DYTN: variants seen among roughly 807,000 people sequenced by gnomAD.
DYTN encodes the protein dystrotelin.
In DYTN, 75 loss-of-function variants were observed where a neutral mutation model predicts 69.6. That is an observed-to-expected ratio of 1.08 (90% CI 0.89 to 1.31). DYTN has a LOEUF of 1.31. Among genes scored for constraint, DYTN ranks in the 50% most tolerant of loss-of-function variants. DYTN has a pLI of 0.00. For missense variants in DYTN, 726 were observed against 688.4 expected (o/e 1.05, Z -0.61); for synonymous variants, 252 against 249.1 (o/e 1.01, Z -0.11).
Position 206,657,294 on chromosome 2 carries a change from T to G in DYTN, c.1634-5373A>C, listed in dbSNP as rs371817330. ...ACACCACACATCTTTACAAAAATTT[T>G]TTGGTAAAGATGTGGTCTCACTATG... On this transcript the variant is annotated intron_variant, in intron 11 of 11. Transcript: ENST00000452335. Among the ~76,000 whole-genome samples, 5 of 152,178 alleles carry G rather than the reference T, an allele frequency of 3.3e-5. No homozygotes were observed. The East Asian group carries it at 9.7e-4, about 30-fold the overall frequency.
intron 1 of DYTN, among the ~76,000 whole-genome samples, chr2:206,713,408 G>T (rs1441757452): frequency 6.6e-6 from 1 of 152,114 alleles, no homozygotes; most frequent in Non-Finnish European, 1.5e-5. Flanking sequence ...CTGAAGTATT[G>T]CTAACTGCTC....
Position 206,669,434 on chromosome 2 carries a change from G to A in DYTN, c.981-3405C>T, listed in dbSNP as rs146551929. On this transcript the variant is annotated intron_variant, in intron 9 of 11. Coordinates refer to ENST00000452335, the MANE Select transcript of DYTN (RefSeq NM_001093730.1). ...TGTCTACAGTTTCATCCAAATTATT[G>A]ATAAAAATGATGGTGCAGACAGGAA... is the stretch of plus-strand genomic sequence containing the variant. 1.4e-3 allele frequency among the ~76,000 whole-genome samples: 213 copies of A among 152,200 alleles called. 4 individuals are homozygous for A. In the East Asian group the frequency reaches 0.034, roughly 24 times the overall value.
intron 9 of DYTN, among the ~76,000 whole-genome samples, chr2:206,685,300 C>G (rs1330634342): frequency 6.6e-6 from 1 of 151,812 alleles, no homozygotes; most frequent in Non-Finnish European, 1.5e-5. Context: ...TAGCGGGAAC[C>G]ACAGGCGTGC....
chr2:206,661,394 A>C (rs1355800217), intron 11 of DYTN, among the ~76,000 whole-genome samples: 1 of 152,190 alleles, frequency 6.6e-6, no homozygotes. Context: ...TCACTCCAAC[A>C]TAAGACAACT....
intron 11 of DYTN, among the ~76,000 whole-genome samples, chr2:206,661,162 G>C (rs139316439): frequency 3.3e-5 from 5 of 152,350 alleles, no homozygotes; most frequent in African/African-American, 1.2e-4. Context: ...AGAAGTCTCA[G>C]AAGAAACCAA....
At chr2:206,677,987 C>T (rs1268731184) in intron 9 of DYTN, among the ~76,000 whole-genome samples, 1 of 148,986 alleles carries the variant, frequency 6.7e-6, no homozygotes, top group African/African-American at 2.5e-5. Flanking sequence ...AAGACTCCAT[C>T]TCAAAAAAAA....
chr2:206,671,567 T>G (rs13432639), intron 9 of DYTN, among the ~76,000 whole-genome samples: 11,978 of 152,278 alleles, frequency 0.079, 555 homozygotes, highest in Admixed American at 0.14. Flanking sequence ...ATGACTGTAC[T>G]CTCATAAGCC....
At chr2:206,686,478 C>T (rs1341873804) in intron 9 of DYTN, 1 of 152,306 alleles carries the variant, frequency 6.6e-6, no homozygotes, top group East Asian at 1.9e-4. Flanking sequence ...TCCACAAGGC[C>T]ACCCCTGTTT....
intron 2 of DYTN, 136 bp from the exon 3 acceptor site, chr2:206,707,639 GACT>G: frequency 1.2e-6 from 1 of 812,314 alleles, no homozygotes; most frequent in South Asian, 1.8e-5. Context: ...AATGAAATAT[GACT>G]ACTATTTGGA....
At chr2:206,710,666 G>A in intron 1 of DYTN, 68 bp from the exon 2 acceptor site, 5 of 1,253,094 alleles carry the variant, frequency 4.0e-6, no homozygotes, top group Non-Finnish European at 5.5e-6. Flanking sequence ...ATCATGGAAG[G>A]AAATCCTAGA....
chr2:206,707,384 T>A lies in DYTN; in HGVS notation c.214A>T (p.Lys72Ter), dbSNP rs1700037765. 1 of 1,613,236 alleles carries A rather than the reference T, an allele frequency of 6.2e-7. No homozygotes were observed. Among genetic ancestry groups the A allele is most frequent in the Admixed American group, 1.7e-5 (1 of 59,928 alleles). Residue 72 changes from lysine to a stop codon, truncating the protein, a stop_gained, in exon 3 of 12, where the codon AAG (lysine) becomes TAG (stop). Transcript: ENST00000452335. LOFTEE classifies it high-confidence loss of function. Reference sequence around the variant, plus strand: ...TGTCCTGGGTTTTCCTCCCTGGCCTTCTGAAACAGCTCTTGGAGTGCCTGA... The same window carrying A: ...TGTCCTGGGTTTTCCTCCCTGGCCTACTGAAACAGCTCTTGGAGTGCCTGA... ...LSQALQELFQKAREENPGQVH... is the reference protein window; with the variant it reads ...LSQALQELFQ
intron 11 of DYTN, among the ~76,000 whole-genome samples, chr2:206,652,640 G>T (rs768303102): frequency 2.0e-5 from 3 of 152,164 alleles, no homozygotes; most frequent in Admixed American, 6.6e-5. Context: ...AAATTATAGT[G>T]CATTTGTACC....
chr2:206,704,505 C>G (rs1402829241), intron 5 of DYTN, among the ~76,000 whole-genome samples: 2 of 152,080 alleles, frequency 1.3e-5, no homozygotes, highest in African/African-American at 4.8e-5. Flanking sequence ...TTATCTGTAC[C>G]TATAGACAGA....
chr2:206,654,574 T>C lies in DYTN; in HGVS notation c.1634-2653A>G, dbSNP rs1252608258. On this transcript the variant is annotated intron_variant, in intron 11 of 11. Coordinates refer to ENST00000452335, the MANE Select transcript of DYTN (RefSeq NM_001093730.1). ...CAGTAGGCTATTGGTAGTTAAGTTT[T>C]AGAGGAGTCAAAAGTTATATGCTGA... is the stretch of plus-strand genomic sequence containing the variant. 2.6e-5 allele frequency among the ~76,000 whole-genome samples: 4 copies of C among 152,234 alleles called. No individual in the cohort carries two copies. The East Asian group carries it at 5.8e-4, about 22-fold the overall frequency.
chr2:206,695,655 G>T (rs1282946371), intron 7 of DYTN, among the ~76,000 whole-genome samples: 2 of 152,216 alleles, frequency 1.3e-5, no homozygotes, highest in African/African-American at 4.8e-5. Flanking sequence ...GCAGTCATCA[G>T]TTAGTAACTT....
chr2:206,705,978 G>T lies in DYTN; in HGVS notation c.297-105C>A, dbSNP rs186856222. The T allele has an allele frequency of 2.2e-4, 281 of 1,297,136 alleles. 1 individual carries two copies. The African/African-American group carries it at 3.7e-3, about 17-fold the overall frequency. The allele number at this position is 1,297,136 out of a possible 1,614,324, so 80.4% of individuals were successfully genotyped here. ...TATTAATGGGCATTTCTGATATGGT[G>T]CTATAAGTTCCAACTTTTTGTGGCC... On this transcript the variant is annotated intron_variant, in intron 3 of 11. Transcript: ENST00000452335.
At chr2:206,696,114 C>A (rs1323863311) in intron 7 of DYTN, among the ~76,000 whole-genome samples, 1 of 152,142 alleles carries the variant, frequency 6.6e-6, no homozygotes, top group Non-Finnish European at 1.5e-5. Context: ...AGAGGGAGAG[C>A]CCTATGGGCT....
chr2:206,702,382 G>A (rs959070375), intron 5 of DYTN, among the ~76,000 whole-genome samples: 5 of 152,204 alleles, frequency 3.3e-5, no homozygotes, highest in African/African-American at 7.2e-5. Flanking sequence ...CCATCAACTC[G>A]AATAAACGTT....
At chr2:206,658,984 C>CTTTTT in intron 11 of DYTN, among the ~76,000 whole-genome samples, 1 of 140,096 alleles carries the variant, frequency 7.1e-6, no homozygotes, top group South Asian at 2.2e-4. Context: ...AACAAGAGGA[C>CTTTTT]TTTTTTTTTT....
Sources: allele counts gnomAD v4.1 joint callset (sites outside exome capture counted in the v4.1 genomes callset), GRCh38; gene constraint gnomAD v4.1.1; transcripts MANE v1.5; gene names NCBI Gene and HGNC (gene_info 2026-07-23, HGNC 2026-07-21).